The following PARL variants were observed in gnomAD, a reference collection of about 807,000 sequenced individuals.
The protein encoded by PARL is presenilin-associated rhomboid-like protein, mitochondrial.
In PARL, 44 loss-of-function variants were observed where a neutral mutation model predicts 51.6. The observed-to-expected ratio is 0.85, with a 90% CI of 0.67 to 1.10. The LOEUF is 1.10. PARL is among the 50% of genes least tolerant of loss of function. The pLI is 0.00. For synonymous variants in PARL, 172 were observed against 164.0 expected, an observed-to-expected ratio of 1.05 and a Z score of -0.37; for missense variants, 441 against 469.5, an observed-to-expected ratio of 0.94 and a Z score of 0.56.
At position 183,840,678 on chromosome 3, in the gene PARL, T is replaced by A. The variant is rs774149773; in HGVS notation, c.758-38A>T. On this transcript the variant is annotated intron_variant, in intron 6 of 9. Transcript: ENST00000317096. The stretch of plus-strand genomic sequence containing the variant: ...TCACATTACAATAATTTAAGTGAGG[T>A]ATAAAAATGGTTTACTTTTTTTTTT... 6 of 1,002,778 alleles carry A rather than the reference T, an allele frequency of 6.0e-6. No individual in the cohort carries two copies. The Admixed American group carries it at 6.5e-5, about 11-fold the overall frequency. 62.1% of individuals were successfully genotyped at this position (1,002,778 alleles called of 1,614,324 possible).
chr3:183,832,717 A>G (rs1728099268), intron 9 of PARL, among the ~76,000 whole-genome samples: 1 of 152,186 alleles, frequency 6.6e-6, no homozygotes, highest in Admixed American at 6.5e-5. Flanking sequence ...TACAGTTACT[A>G]CTAAGCACTA....
At chr3:183,875,476 GA>G (rs1733702910) in intron 1 of PARL, among the ~76,000 whole-genome samples, 2 of 150,114 alleles carry the variant, frequency 1.3e-5, no homozygotes, top group African/African-American at 2.5e-5. Flanking sequence ...TGCCAACATG[GA>G]AAAAATTACA....
chr3:183,834,311 G>C (rs13073298), intron 7 of PARL, among the ~76,000 whole-genome samples: 1 of 152,072 alleles, frequency 6.6e-6, no homozygotes, highest in Non-Finnish European at 1.5e-5. Context: ...TTCCAGCACA[G>C]TGTGAGGCAT....
chr3:183,884,510 G>A (rs1042259936), intron 1 of PARL, among the ~76,000 whole-genome samples: 3 of 152,226 alleles, frequency 2.0e-5, no homozygotes, highest in African/African-American at 4.8e-5. Context: ...AATGGGAAAG[G>A]AGAAAGCGCA....
At chr3:183,884,621 TG>T in intron 1 of PARL, 100 bp downstream of exon 1, 3 of 1,201,830 alleles carry the variant, frequency 2.5e-6, no homozygotes, top group Non-Finnish European at 1.2e-6. Flanking sequence ...GGGGGTGAGC[TG>T]GGGCCAGCAC....
chr3:183,842,846 G>T, intron 5 of PARL, among the ~76,000 whole-genome samples: 1 of 102,700 alleles, frequency 9.7e-6, no homozygotes, highest in Non-Finnish European at 2.0e-5. Context: ...AAACAAACAT[G>T]GAAAACAAAA....
At chr3:183,828,708 G>A (rs971871898), downstream of PARL, among the ~76,000 whole-genome samples, 5 of 152,122 alleles carry the variant, frequency 3.3e-5, no homozygotes, top group African/African-American at 9.7e-5. Flanking sequence ...ACCTGAGTCC[G>A]ATCGGCCACA....
At chr3:183,879,802 C>T (rs181166612) in intron 1 of PARL, 260 of 405,850 alleles carry the variant, frequency 6.4e-4, no homozygotes, top group African/African-American at 5.4e-3. Context: ...CTGCAACCTT[C>T]GCCTCTAGAG....
At chr3:183,826,771 C>A, downstream of PARL, 3 of 985,440 alleles carry the variant, frequency 3.0e-6, no homozygotes, top group Non-Finnish European at 3.6e-6. Flanking sequence ...AGAGTGAACT[C>A]TTTGTGGACT....
chr3:183,840,240 T>C (rs1301390824), intron 7 of PARL, among the ~76,000 whole-genome samples: 1 of 152,188 alleles, frequency 6.6e-6, no homozygotes, highest in Non-Finnish European at 1.5e-5. Flanking sequence ...AATCTATAAT[T>C]AGAATCTTCC....
chr3:183,842,288 A>G lies in PARL; in HGVS notation c.757+10T>C, dbSNP rs757130708. On this transcript the variant is annotated intron_variant, in intron 6 of 9. Transcript: ENST00000317096. ...ATACTCTCAAAGGCCCCGAGATTAAAGCATATTACCTGCAGATAGGTACAC... is the reference window on the plus strand; with the variant it reads ...ATACTCTCAAAGGCCCCGAGATTAAGGCATATTACCTGCAGATAGGTACAC... 4 of 1,611,678 alleles carry G rather than the reference A, an allele frequency of 2.5e-6. No individual in the cohort carries two copies. Among genetic ancestry groups the G allele is most frequent in the Non-Finnish European group, 3.4e-6 (4 of 1,179,536 alleles).
chr3:183,826,680 C>A, downstream of PARL: 3 of 985,192 alleles, frequency 3.0e-6, no homozygotes, highest in Non-Finnish European at 3.6e-6. Context: ...GCTGAGCAGG[C>A]CAGGCCATGT....
At chr3:183,855,967 CAAACAAAAAAAA>C (rs1244962539) in intron 4 of PARL, among the ~76,000 whole-genome samples, 3 of 124,180 alleles carry the variant, frequency 2.4e-5, no homozygotes, top group African/African-American at 9.3e-5. Flanking sequence ...AAAAAATAAA[CAAACAAAAAAAA>C]AAACAAAAAA....
chr3:183,876,610 TAAAAAAAAAAAAAAA>T (rs576376716), intron 1 of PARL, among the ~76,000 whole-genome samples: 26 of 91,812 alleles, frequency 2.8e-4, no homozygotes, highest in African/African-American at 1.1e-3. Context: ...ATACATTTTG[TAAAAAAAAAAAAAAA>T]AAAAAAAAAA....
At chr3:183,871,457 A>G (rs1021162264) in intron 1 of PARL, among the ~76,000 whole-genome samples, 1 of 151,016 alleles carries the variant, frequency 6.6e-6, no homozygotes, top group African/African-American at 2.4e-5. Context: ...CTGAAACTTA[A>G]ATTTCCATTA....
At chr3:183,882,629 A>AT (rs1000218406) in intron 1 of PARL, among the ~76,000 whole-genome samples, 2 of 152,026 alleles carry the variant, frequency 1.3e-5, no homozygotes, top group East Asian at 1.9e-4. Context: ...CCCAAATAAG[A>AT]TTTTTTTCCC....
At chr3:183,876,825 A>C (rs1056266314) in intron 1 of PARL, among the ~76,000 whole-genome samples, 3 of 152,194 alleles carry the variant, frequency 2.0e-5, no homozygotes. Flanking sequence ...CAACATTAAC[A>C]GTTTAGAAGA....
intron 2 of PARL, among the ~76,000 whole-genome samples, chr3:183,867,129 G>A (rs1732587465): frequency 6.6e-6 from 1 of 152,030 alleles, no homozygotes; most frequent in African/African-American, 2.4e-5. Flanking sequence ...GGCCAGAGGG[G>A]TCTCGAACTC....
At position 183,829,679 on chromosome 3, in the gene PARL, A is replaced by C; in HGVS notation, c.1059T>G (p.Ile353Met). ...IWYVTYGHEL[I>M]WKNREPLVKI... ...TCACTAGCGGCTCCCTGTTCTTCCA[A>C]ATCAGTTCATGACCGTAAGTAACAT... The change falls in exon 10 of 10, where the codon ATT (isoleucine) becomes ATG (methionine). Residue 353 changes from isoleucine to methionine, a missense_variant. By Grantham distance (10) the Ile-to-Met change is conservative. Transcript: ENST00000317096. The C allele has an allele frequency of 6.2e-7, 1 of 1,614,144 alleles. No homozygotes were observed. The highest frequency in any genetic ancestry group is 8.5e-7 in the Non-Finnish European group (1 of 1,180,032).
Sources: allele counts gnomAD v4.1 joint callset (sites outside exome capture counted in the v4.1 genomes callset), GRCh38; gene constraint gnomAD v4.1.1; transcripts MANE v1.5; gene names NCBI Gene and HGNC (gene_info 2026-07-23, HGNC 2026-07-21).